HPN: variants seen among roughly 807,000 people sequenced by gnomAD.
HPN encodes the protein hepsin.
In HPN, 13 loss-of-function variants were observed where a neutral mutation model predicts 55.9. The observed-to-expected ratio is 0.23, with a 90% CI of 0.15 to 0.37. The LOEUF (loss-of-function observed/expected upper bound fraction) is 0.37. HPN is among the 10% of genes least tolerant of loss of function. The pLI is 1.00. For synonymous variants in HPN, 225 were observed against 240.3 expected, an observed-to-expected ratio of 0.94 and a Z score of 0.59; for missense variants, 451 against 575.8, an observed-to-expected ratio of 0.78 and a Z score of 2.22.
intron 2 of HPN, among the ~76,000 whole-genome samples, chr19:35,045,083 A>G (rs571083934): frequency 6.6e-6 from 1 of 152,074 alleles, no homozygotes; most frequent in South Asian, 2.1e-4. Context: ...GTAGGGGCAA[A>G]GGGACTAGGA....
At chr19:35,044,670 A>G (rs2064324486) in intron 2 of HPN, among the ~76,000 whole-genome samples, 1 of 152,130 alleles carries the variant, frequency 6.6e-6, no homozygotes, top group Admixed American at 6.5e-5. Flanking sequence ...AATTGGGGGA[A>G]ACATACTCCC....
intron 1 of HPN, 149 bp downstream of exon 1, chr19:35,042,021 TG>T: frequency 1.7e-6 from 2 of 1,164,762 alleles, no homozygotes; most frequent in South Asian, 3.3e-5. Context: ...AGCACCTAGG[TG>T]TTCTGTCCTG....
In HPN at chr19:35,065,550, G is replaced by A. The variant is rs773455635; in HGVS notation, c.919G>A (p.Gly307Arg). 30 of 1,613,858 alleles carry A rather than the reference G, an allele frequency of 1.9e-5. No individual in the cohort carries two copies. Among genetic ancestry groups the A allele is most frequent in the South Asian group, 3.3e-5 (3 of 91,086 alleles). Reference protein sequence around the residue: ...GNTQYYGQQAGVLQEARVPII... With the variant: ...GNTQYYGQQARVLQEARVPII... ...CTGCACACCCCCAGGCCAACAGGCC[G>A]GGGTACTCCAGGAGGCTCGAGTCCC... The change falls in exon 11 of 13, where the codon GGG becomes AGG. Residue 307 changes from glycine (G) to arginine (R), a missense_variant. Coordinates refer to ENST00000672452, the MANE Select transcript of HPN (RefSeq NM_001384133.1).
chr19:35,066,141 GC>G (rs1165698165), intron 12 of HPN, 107 bp from the exon 13 acceptor site: 1 of 1,612,822 alleles, frequency 6.2e-7, no homozygotes. Flanking sequence ...CTAGAAGAGG[GC>G]CCCCCTTGGG....
In HPN at chr19:35,065,694, G is replaced by A. The variant is rs367980545; in HGVS notation, c.1050+13G>A. On this transcript the variant is annotated intron_variant, in intron 11 of 12. Transcript: ENST00000672452. ...TGATGCCTGCCAGGTGAGGGACTCTGTAGGGGCAGCCCCCTGGTCGCTGCC... is the reference window on the plus strand; with the variant it reads ...TGATGCCTGCCAGGTGAGGGACTCTATAGGGGCAGCCCCCTGGTCGCTGCC... 23 of 1,613,816 alleles carry A rather than the reference G, an allele frequency of 1.4e-5. No homozygotes were observed. The highest frequency in any genetic ancestry group is 1.9e-5 in the Non-Finnish European group (23 of 1,179,998).
upstream of HPN, among the ~76,000 whole-genome samples, chr19:35,041,482 C>A (rs72550260): frequency 4.6e-3 from 702 of 152,172 alleles, 5 homozygotes; most frequent in African/African-American, 0.016. Flanking sequence ...CACCCTTCAG[C>A]CTGCACTTTC....
intron 2 of HPN, among the ~76,000 whole-genome samples, chr19:35,044,799 G>A (rs2064326008): frequency 6.6e-6 from 1 of 152,132 alleles, no homozygotes; most frequent in African/African-American, 2.4e-5. Flanking sequence ...GAGGGGACAG[G>A]TTGGATTTGG....
At chr19:35,055,839 G>A (rs1810357293) in intron 4 of HPN, among the ~76,000 whole-genome samples, 1 of 152,172 alleles carries the variant, frequency 6.6e-6, no homozygotes, top group African/African-American at 2.4e-5. Context: ...TGGGGGCCAG[G>A]TACAGTGGCT....
intron 9 of HPN, 132 bp downstream of exon 9, chr19:35,060,949 C>T (rs1237026126): frequency 2.6e-6 from 2 of 784,154 alleles, no homozygotes; most frequent in Non-Finnish European, 4.0e-6. Flanking sequence ...CTCGAGGGAG[C>T]ACAAAGTGGG....
chr19:35,043,521 T>C (rs1256885123), intron 2 of HPN, among the ~76,000 whole-genome samples: 3 of 152,112 alleles, frequency 2.0e-5, no homozygotes, highest in Non-Finnish European at 1.5e-5. Context: ...ATCTGTGAAA[T>C]GGAGAGGGTG....
chr19:35,055,269 C>G (rs918208334), intron 4 of HPN, among the ~76,000 whole-genome samples: 14 of 151,974 alleles, frequency 9.2e-5, no homozygotes, highest in African/African-American at 3.4e-4. Context: ...TGGTGGTATG[C>G]CCCTGTGGTC....
intron 4 of HPN, among the ~76,000 whole-genome samples, chr19:35,058,420 C>A (rs2064480795): frequency 6.7e-6 from 1 of 149,048 alleles, no homozygotes; most frequent in Non-Finnish European, 1.5e-5. Flanking sequence ...CCTTGTGATC[C>A]ACCCATCTCG....
chr19:35,049,400 G>A lies in HPN; in HGVS notation c.118+9G>A, dbSNP rs775844525. On this transcript the variant is annotated intron_variant, in intron 3 of 12. Transcript: ENST00000672452. ...GGCATCCTGGGCCATTGGTGAGAGC[G>A]GTTCCTGTGCCTCTGACCTCCCCTG... 36 of 1,608,438 alleles carry A rather than the reference G, an allele frequency of 2.2e-5. No homozygotes were observed. In the Admixed American group the frequency reaches 2.4e-4, roughly 11 times the overall value.
chr19:35,060,024 A>G (rs2064509510), intron 6 of HPN, 28 bp downstream of exon 6: 1 of 1,607,432 alleles, frequency 6.2e-7, no homozygotes, highest in Non-Finnish European at 8.5e-7. Flanking sequence ...CAGGTGGGGC[A>G]ACACCTCAGA....
At chr19:35,043,359 G>A (rs981418868) in intron 2 of HPN, among the ~76,000 whole-genome samples, 2 of 152,158 alleles carry the variant, frequency 1.3e-5, no homozygotes, top group African/African-American at 4.8e-5. Context: ...GCGCATGGAG[G>A]GGCGTCCTGT....
chr19:35,050,979 C>T (rs902825311), intron 4 of HPN, among the ~76,000 whole-genome samples: 3 of 137,622 alleles, frequency 2.2e-5, no homozygotes, highest in Non-Finnish European at 4.5e-5. Context: ...TGCAGTGACA[C>T]GATCTTAGCT....
Position 35,065,598 on chromosome 19 carries a change from A to G in HPN, c.967A>G (p.Asn323Asp). ...RVPIISNDVC[N>D]GADFYGNQIK... ...CCCCATAATCAGCAATGATGTCTGC[A>G]ATGGCGCTGACTTCTATGGAAACCA... is the stretch of plus-strand genomic sequence containing the variant. Residue 323 changes from asparagine (N) to aspartate (D), a missense_variant, in exon 11 of 13, where the codon AAT becomes GAT. By Grantham distance (23) the Asn-to-Asp change is conservative. This residue lies in a region of HPN where 378 missense variants were observed against 445.5 expected (regional missense o/e 0.85). Transcript: ENST00000672452. The G allele has an allele frequency of 1.2e-6, 2 of 1,614,132 alleles. No homozygotes were observed. The highest frequency in any genetic ancestry group is 2.2e-5 in the South Asian group (2 of 91,086).
intron 1 of HPN, chr19:35,042,212 C>T (rs1428693550): frequency 2.3e-6 from 3 of 1,289,080 alleles, no homozygotes; most frequent in East Asian, 3.8e-5. Context: ...TCCTCAGTCC[C>T]CTGCTCCACC....
chr19:35,041,688 T>TCCCCCCCCCCCCCCCCCCCCCCCC, upstream of HPN: 2 of 638,114 alleles, frequency 3.1e-6, no homozygotes, highest in South Asian at 2.6e-5. Flanking sequence ...CCCCGCCCCT[T>TCCCCCCCCCCCCCCCCCCCCCCCC]CACCCGCCCC....
Sources: gnomAD v4.1 joint callset for allele counts (sites outside exome capture counted in the v4.1 genomes callset) on GRCh38, gnomAD v4.1.1 for gene constraint, gnomAD v4.1.1 regional missense constraint, MANE v1.5 for transcripts, NCBI Gene and HGNC (gene_info 2026-07-23, HGNC 2026-07-21) for gene names.